The following CD226 variants were observed in gnomAD, a reference collection of about 807,000 sequenced individuals.
The protein encoded by CD226 is CD226 antigen.
In CD226, 24 loss-of-function variants were observed where a neutral mutation model predicts 34.9. The observed-to-expected ratio is 0.69, with a 90% CI of 0.50 to 0.97. The LOEUF (loss-of-function observed/expected upper bound fraction) is 0.97, where lower values mean the gene tolerates loss of function less well. CD226 is among the 50% of genes least tolerant of loss of function. The probability of loss-of-function intolerance (pLI) is 0.00; values close to 1 mark genes in which losing one functional copy is unlikely to be tolerated. For missense variants in CD226, 397 were observed against 412.7 expected, an observed-to-expected ratio of 0.96 and a Z score of 0.33; for synonymous variants, 148 against 147.4, an observed-to-expected ratio of 1.00 and a Z score of -0.03.
intron 2 of CD226, among the ~76,000 whole-genome samples, chr18:69,897,979 C>T (rs539457459): frequency 1.1e-4 from 16 of 151,314 alleles, no homozygotes; most frequent in African/African-American, 2.2e-4. Flanking sequence ...GAAAACATTT[C>T]GTCTCTAAGT....
At chr18:69,905,554 C>T (rs575652129) in intron 2 of CD226, among the ~76,000 whole-genome samples, 3 of 152,218 alleles carry the variant, frequency 2.0e-5, no homozygotes, top group East Asian at 1.9e-4. Flanking sequence ...AGTGGAAGTG[C>T]GGGATTGGTG....
intron 2 of CD226, among the ~76,000 whole-genome samples, chr18:69,940,992 C>A (rs555098054): frequency 6.6e-6 from 1 of 152,194 alleles, no homozygotes; most frequent in Admixed American, 6.5e-5. Context: ...GTCCCAGCCA[C>A]GGCTAAAAGG....
intron 3 of CD226, among the ~76,000 whole-genome samples, chr18:69,879,001 G>C (rs573723416): frequency 6.6e-6 from 1 of 152,130 alleles, no homozygotes; most frequent in African/African-American, 2.4e-5. Flanking sequence ...GGCAGGTTCC[G>C]TGATGCCTCC....
intron 3 of CD226, among the ~76,000 whole-genome samples, chr18:69,877,333 G>C (rs1296235259): frequency 2.0e-5 from 3 of 152,164 alleles, no homozygotes; most frequent in African/African-American, 7.2e-5. Context: ...GGTAGGGTGA[G>C]GCATGTGTAA....
At chr18:69,929,865 A>C (rs1376174250) in intron 2 of CD226, among the ~76,000 whole-genome samples, 3 of 152,122 alleles carry the variant, frequency 2.0e-5, no homozygotes, top group African/African-American at 7.2e-5. Context: ...ATATTATGAA[A>C]TCTGTCATTT....
At chr18:69,950,521 T>G (rs1599036158), upstream of CD226, among the ~76,000 whole-genome samples, 1 of 151,786 alleles carries the variant, frequency 6.6e-6, no homozygotes. Context: ...GTCAGGTTGG[T>G]GGTCGGGAAA....
intron 2 of CD226, among the ~76,000 whole-genome samples, chr18:69,899,783 T>C (rs1339250215): frequency 6.6e-6 from 1 of 152,214 alleles, no homozygotes; most frequent in Non-Finnish European, 1.5e-5. Context: ...ACATTACAGA[T>C]GCTGGTGAGG....
At chr18:69,871,394 T>A (rs1178207498) in intron 4 of CD226, among the ~76,000 whole-genome samples, 3 of 152,240 alleles carry the variant, frequency 2.0e-5, no homozygotes, top group Admixed American at 6.5e-5. Flanking sequence ...AAATGTTTAT[T>A]GAGCATTCAT....
intron 2 of CD226, among the ~76,000 whole-genome samples, chr18:69,944,274 C>A (rs2055762671): frequency 6.6e-6 from 1 of 152,096 alleles, no homozygotes. Flanking sequence ...GCTAAGGATA[C>A]CATCATGAAG....
chr18:69,899,898 T>A (rs929603691), intron 2 of CD226, among the ~76,000 whole-genome samples: 1 of 152,158 alleles, frequency 6.6e-6, no homozygotes, highest in African/African-American at 2.4e-5. Flanking sequence ...AAAGCAGAAC[T>A]ACCATTTGAC....
intron 1 of CD226, among the ~76,000 whole-genome samples, chr18:69,954,999 G>C: frequency 6.6e-6 from 1 of 152,128 alleles, no homozygotes; most frequent in South Asian, 2.1e-4. Context: ...TGTCCTCAAG[G>C]AAGTCATTAA....
intron 2 of CD226, among the ~76,000 whole-genome samples, chr18:69,920,850 G>A (rs528411307): frequency 3.3e-5 from 5 of 152,190 alleles, no homozygotes; most frequent in Middle Eastern, 6.8e-3. Flanking sequence ...AAAAACTTAC[G>A]TACCCAAATA....
In CD226 at chr18:69,860,782, TTG is replaced by T. The variant is rs1240724222; in HGVS notation, c.*3530_*3531del. On this transcript the variant is annotated 3_prime_UTR_variant, in exon 6 of 6. Coordinates refer to ENST00000582621, the MANE Select transcript of CD226 (RefSeq NM_001303618.2). ...CTAAACTAATGATGACATGTTTATATTGTCTTATATTTTTTAAAGATATTTTC... is the reference window on the plus strand; with the variant it reads ...CTAAACTAATGATGACATGTTTATATTCTTATATTTTTTAAAGATATTTTC... 6.6e-6 allele frequency: 1 copy of T among 152,106 alleles called. No homozygotes were observed. Among genetic ancestry groups the T allele is most frequent in the Non-Finnish European group, 1.5e-5 (1 of 67,954 alleles). 9.4% of individuals were successfully genotyped at this position (152,106 alleles called of 1,614,324 possible).
rs1434123088 is a variant in CD226, at chr18:69,854,654, A to C, written c.*9660T>G. 1 of 152,356 alleles carries C rather than the reference A, an allele frequency of 6.6e-6. No homozygotes were observed. Among genetic ancestry groups the C allele is most frequent in the Non-Finnish European group, 1.5e-5 (1 of 68,146 alleles). The allele number at this position is 152,356 out of a possible 1,614,324, so 9.4% of individuals were successfully genotyped here. On this transcript the variant is annotated 3_prime_UTR_variant, in exon 6 of 6. Transcript: ENST00000582621. ...GGAAAGAGGGAAAATAACAGTCAAC[A>C]GGGGGCAGGCCTTCAAAGAAATACA...
At chr18:69,884,683 A>C (rs1371138858) in intron 3 of CD226, among the ~76,000 whole-genome samples, 3 of 152,254 alleles carry the variant, frequency 2.0e-5, no homozygotes, top group African/African-American at 7.2e-5. Flanking sequence ...ACCTCCTGTC[A>C]TAAAGATGTG....
intron 2 of CD226, among the ~76,000 whole-genome samples, chr18:69,901,972 C>T (rs1287057918): frequency 6.6e-6 from 1 of 152,028 alleles, no homozygotes; most frequent in African/African-American, 2.4e-5. Flanking sequence ...GTACTTCACA[C>T]ACCCAATCTC....
chr18:69,873,920 T>C (rs1983703481), intron 3 of CD226, among the ~76,000 whole-genome samples: 1 of 152,176 alleles, frequency 6.6e-6, no homozygotes, highest in Admixed American at 6.5e-5. Context: ...ATGCCTGATA[T>C]ATTAAGTACA....
At chr18:69,881,416 C>A (rs1433185222) in intron 3 of CD226, among the ~76,000 whole-genome samples, 2 of 152,140 alleles carry the variant, frequency 1.3e-5, no homozygotes, top group East Asian at 3.9e-4. Flanking sequence ...GGGGCCTAGT[C>A]CTGTCTTCTA....
chr18:69,888,848 C>A (rs1984716416), intron 3 of CD226, among the ~76,000 whole-genome samples: 1 of 152,004 alleles, frequency 6.6e-6, no homozygotes, highest in Non-Finnish European at 1.5e-5. Context: ...CAGCATGTAA[C>A]CTTTTAGAGT....
Sources: gnomAD v4.1 joint callset for allele counts (sites outside exome capture counted in the v4.1 genomes callset) on GRCh38, gnomAD v4.1.1 for gene constraint, MANE v1.5 for transcripts, NCBI Gene and HGNC (gene_info 2026-07-23, HGNC 2026-07-21) for gene names.